Variants in ABCB5 observed in about 807,000 individuals in gnomAD.
ABCB5 encodes the protein ATP-binding cassette sub-family B member 5.
In ABCB5, 155 loss-of-function variants were observed where a neutral mutation model predicts 144.2. The ratio of observed to expected loss-of-function variants is 1.08; its 90% confidence interval spans 0.94 to 1.23. The LOEUF (loss-of-function observed/expected upper bound fraction) is 1.23. Ranked by LOEUF, ABCB5 falls within the 50% of genes most tolerant of loss-of-function variation. The pLI is 0.00. For missense variants in ABCB5, 1,830 were observed against 1,520.8 expected (o/e 1.20, Z -3.38); for synonymous variants, 610 against 528.6 (o/e 1.15, Z -2.11).
In ABCB5 at chr7:20,628,763, C is replaced by T; in HGVS notation, c.184C>T (p.Leu62Phe). 2 of 1,613,658 alleles carry T rather than the reference C, an allele frequency of 1.2e-6. No individual in the cohort carries two copies. The highest frequency in any genetic ancestry group is 2.2e-5 in the South Asian group (2 of 91,044). The change falls in exon 4 of 28, where the codon CTT (leucine) becomes TTT (phenylalanine). Residue 62 changes from leucine (L) to phenylalanine (F), a missense_variant. Coordinates refer to ENST00000404938, the MANE Select transcript of ABCB5 (RefSeq NM_001163941.2). ...GGCATCACTGGTCAATGGAGCCTGCCTTCCTTTAATGCCACTGGTTTTAGG... is the reference window on the plus strand; with the variant it reads ...GGCATCACTGGTCAATGGAGCCTGCTTTCCTTTAATGCCACTGGTTTTAGG... ...ILASLVNGAC[L>F]PLMPLVLGEM...
chr7:20,654,517 C>A (rs1054887931), intron 13 of ABCB5, among the ~76,000 whole-genome samples: 1 of 152,154 alleles, frequency 6.6e-6, no homozygotes, highest in Admixed American at 6.5e-5. Context: ...GGCATTTATA[C>A]GACATTCCAG....
intron 1 of ABCB5, among the ~76,000 whole-genome samples, chr7:20,618,466 T>A (rs896467931): frequency 6.6e-6 from 1 of 152,164 alleles, no homozygotes; most frequent in African/African-American, 2.4e-5. Context: ...TTACATGAGT[T>A]CATTGTGTGA....
chr7:20,701,985 C>G (rs1208432248), intron 19 of ABCB5, among the ~76,000 whole-genome samples: 4 of 152,152 alleles, frequency 2.6e-5, no homozygotes, highest in African/African-American at 9.7e-5. Flanking sequence ...TGATTTTTGT[C>G]CTAAGATAAG....
At chr7:20,664,820 G>A (rs1253360994) in intron 14 of ABCB5, among the ~76,000 whole-genome samples, 2 of 152,136 alleles carry the variant, frequency 1.3e-5, no homozygotes, top group East Asian at 1.9e-4. Context: ...GCTGGGAGTG[G>A]TGGCTCACAC....
At chr7:20,746,021 C>T (rs1167413507) in intron 26 of ABCB5, among the ~76,000 whole-genome samples, 1 of 152,214 alleles carries the variant, frequency 6.6e-6, no homozygotes, top group Admixed American at 6.5e-5. Context: ...CCAACTTGCT[C>T]CCCACCTTAG....
chr7:20,723,214 G>A lies in ABCB5; in HGVS notation c.2620G>A (p.Gly874Arg), dbSNP rs753626977. 10 of 1,613,766 alleles carry A rather than the reference G, an allele frequency of 6.2e-6. No individual in the cohort carries two copies. In the African/African-American group the frequency reaches 9.3e-5, roughly 15 times the overall value. Reference protein sequence around the residue: ...NKDKQELKHAGKIATEALENI... With the variant: ...NKDKQELKHARKIATEALENI... ...AGATAAGCAAGAACTTAAGCATGCT[G>A]GAAAGGTAAAATGAAGACTGTTATC... The change falls in exon 21 of 28, where the codon GGA (glycine) becomes AGA (arginine). Residue 874 changes from glycine to arginine, a missense_variant. Gly to Arg is a moderately radical substitution (Grantham distance 125). Transcript: ENST00000404938.
chr7:20,728,528 T>A (rs1583455690), intron 23 of ABCB5, 73 bp downstream of exon 23: 1 of 1,524,178 alleles, frequency 6.6e-7, no homozygotes, highest in Non-Finnish European at 8.9e-7. Context: ...CTGAGGCGGG[T>A]GGATCACTTG....
chr7:20,737,577 G>A (rs1665340255), intron 23 of ABCB5, among the ~76,000 whole-genome samples: 1 of 152,108 alleles, frequency 6.6e-6, no homozygotes, highest in African/African-American at 2.4e-5. Context: ...CTCAAATCAT[G>A]GGAAGAAGCT....
chr7:20,702,301 T>C (rs1272988660), intron 19 of ABCB5, among the ~76,000 whole-genome samples: 1 of 152,198 alleles, frequency 6.6e-6, no homozygotes, highest in Non-Finnish European at 1.5e-5. Context: ...CATTTCCCTC[T>C]AAATTAGATT....
chr7:20,659,200 A>G, intron 14 of ABCB5: 1 of 1,606,368 alleles, frequency 6.2e-7, no homozygotes, highest in Non-Finnish European at 8.5e-7. Flanking sequence ...TACTGCACAT[A>G]CCTCAAGGCC....
At chr7:20,750,240 G>C (rs945768656) in intron 26 of ABCB5, among the ~76,000 whole-genome samples, 1 of 152,128 alleles carries the variant, frequency 6.6e-6, no homozygotes, top group African/African-American at 2.4e-5. Context: ...CAAGAAAATT[G>C]ATTTAAAAGA....
chr7:20,651,982 G>A (rs914107755), intron 13 of ABCB5, among the ~76,000 whole-genome samples: 2 of 152,100 alleles, frequency 1.3e-5, no homozygotes, highest in Non-Finnish European at 2.9e-5. Flanking sequence ...AGAATGCATA[G>A]TAACAACCAA....
intron 23 of ABCB5, among the ~76,000 whole-genome samples, 196 bp from the exon 24 acceptor site, chr7:20,738,787 T>C (rs1321395092): frequency 1.3e-5 from 2 of 152,204 alleles, no homozygotes; most frequent in East Asian, 3.8e-4. Context: ...AAGTTCATTT[T>C]GGTGTACAGA....
At position 20,628,823 on chromosome 7, in the gene ABCB5, G is replaced by C. The variant is rs769672366; in HGVS notation, c.244G>C (p.Val82Leu). 37 of 1,613,520 alleles carry C rather than the reference G, an allele frequency of 2.3e-5. No individual in the cohort carries two copies. Among genetic ancestry groups the C allele is most frequent in the Non-Finnish European group, 2.9e-5 (34 of 1,179,802 alleles). Residue 82 changes from valine (V) to leucine (L), a missense_variant, in exon 4 of 28, where the codon GTC becomes CTC. Coordinates refer to ENST00000404938, the MANE Select transcript of ABCB5 (RefSeq NM_001163941.2). ...TGATAACCTTATTAGTGGATGTCTAGTCCAAACTAACACAAGTGAGTATAC... is the reference window on the plus strand; with the variant it reads ...TGATAACCTTATTAGTGGATGTCTACTCCAAACTAACACAAGTGAGTATAC... The part of the protein sequence containing the change: ...MSDNLISGCL[V>L]QTNTTNYQNC...
At chr7:20,692,889 C>G (rs1358343659) in intron 16 of ABCB5, among the ~76,000 whole-genome samples, 1 of 151,952 alleles carries the variant, frequency 6.6e-6, no homozygotes, top group East Asian at 1.9e-4. Flanking sequence ...ATCAGTTTAT[C>G]CAGAACTGCA....
chr7:20,713,258 G>C (rs1299005495), intron 20 of ABCB5, among the ~76,000 whole-genome samples: 1 of 148,208 alleles, frequency 6.7e-6, no homozygotes, highest in African/African-American at 2.5e-5. Context: ...TTTCCAGACA[G>C]GGTCTCATTT....
intron 15 of ABCB5, among the ~76,000 whole-genome samples, chr7:20,683,414 G>A (rs935000107): frequency 2.0e-5 from 3 of 152,138 alleles, no homozygotes; most frequent in Non-Finnish European, 4.4e-5. Flanking sequence ...ACTAATATGA[G>A]TTGGAATAAT....
At position 20,742,874 on chromosome 7, in the gene ABCB5, C is replaced by A; in HGVS notation, c.3025-3C>A. 6.2e-7 allele frequency: 1 copy of A among 1,614,014 alleles called. No homozygotes were observed. The highest frequency in any genetic ancestry group is 1.3e-5 in the African/African-American group (1 of 75,058). On this transcript the variant is annotated splice_polypyrimidine_tract_variant and splice_region_variant and intron_variant, in intron 24 of 27. Transcript: ENST00000404938. ...TCTCAACTCTGTCAACTTCCTTTCA[C>A]AGGACACATGTGAAGGGAATTTAGA...
At chr7:20,651,072 T>G (rs1784567239) in intron 12 of ABCB5, among the ~76,000 whole-genome samples, 2 of 152,190 alleles carry the variant, frequency 1.3e-5, no homozygotes, top group South Asian at 4.1e-4. Flanking sequence ...AGAAGAAATG[T>G]AAGGGTCACA....
Sources: gnomAD v4.1 joint callset for allele counts (sites outside exome capture counted in the v4.1 genomes callset) on GRCh38, gnomAD v4.1.1 for gene constraint, MANE v1.5 for transcripts, NCBI Gene and HGNC (gene_info 2026-07-23, HGNC 2026-07-21) for gene names.